The following BLOC1S3 variants were observed in gnomAD, a reference collection of about 807,000 sequenced individuals.
The protein encoded by BLOC1S3 is biogenesis of lysosome-related organelles complex 1 subunit 3.
BLOC1S3 carries 7 observed loss-of-function variants against 9.1 expected under a neutral mutation model. The observed-to-expected ratio is 0.77, with a 90% CI of 0.44 to 1.45. The LOEUF is 1.45. Ranked by LOEUF, BLOC1S3 falls within the 40% of genes most tolerant of loss-of-function variation. The pLI, the probability that BLOC1S3 is intolerant of heterozygous loss-of-function variation, is 0.01. For missense variants in BLOC1S3, 307 were observed against 315.2 expected, an observed-to-expected ratio of 0.97 and a Z score of 0.20; for synonymous variants, 145 against 158.4, an observed-to-expected ratio of 0.92 and a Z score of 0.64.
chr19:45,187,216 T>A (rs1332918574), upstream of BLOC1S3: 1 of 139,250 alleles, frequency 7.2e-6, no homozygotes, highest in Non-Finnish European at 1.5e-5. Flanking sequence ...AGAATGGAAC[T>A]GGGACAGGGA....
rs945875441 is a variant in BLOC1S3, at chr19:45,179,200, C to T, written c.-9-88C>T. On this transcript the variant is annotated intron_variant, in intron 1 of 1. Coordinates refer to ENST00000433642, the MANE Select transcript of BLOC1S3 (RefSeq NM_212550.5). This position sits in a 1 kb window ranked among gnomAD's most constrained non-coding sequence, Gnocchi z 4.6. ...GCTGACACCAAGTCGTTAAGAGAAT[C>T]AGCGAAGGGGCTGGGAATCCAGGAC... 1.2e-5 allele frequency: 16 copies of T among 1,363,100 alleles called. No homozygotes were observed. Among genetic ancestry groups the T allele is most frequent in the Non-Finnish European group, 1.4e-5 (15 of 1,051,664 alleles). 84.4% of individuals were successfully genotyped at this position (1,363,100 alleles called of 1,614,324 possible).
chr19:45,213,761 A>G (rs567379264), intron 3 of BLOC1S3, among the ~76,000 whole-genome samples: 3 of 151,900 alleles, frequency 2.0e-5, no homozygotes, highest in African/African-American at 4.8e-5. Context: ...CCTGGCCAAC[A>G]TGGCGAAACC....
downstream of BLOC1S3, among the ~76,000 whole-genome samples, chr19:45,182,026 A>G (rs958440647): frequency 3.9e-5 from 6 of 152,214 alleles, no homozygotes; most frequent in African/African-American, 9.7e-5. Flanking sequence ...CTAGGGGTAT[A>G]GCACCCAGTC....
At chr19:45,193,904 GCC>G (rs1969626536) in intron 2 of BLOC1S3, among the ~76,000 whole-genome samples, 1 of 122,136 alleles carries the variant, frequency 8.2e-6, no homozygotes, top group African/African-American at 3.2e-5. Flanking sequence ...CCAGGTTCAT[GCC>G]ATTCTCCTGC....
At chr19:45,212,903 G>A (rs1969790550) in intron 3 of BLOC1S3, 1 of 750,550 alleles carries the variant, frequency 1.3e-6, no homozygotes, top group African/African-American at 1.8e-5. Flanking sequence ...CCTGGCGTTT[G>A]TTTCCCTTCT....
At chr19:45,199,199 C>G (rs1327670061) in intron 2 of BLOC1S3, among the ~76,000 whole-genome samples, 1 of 151,792 alleles carries the variant, frequency 6.6e-6, no homozygotes, top group African/African-American at 2.4e-5. Context: ...TGTTATTATC[C>G]CACTTAATAA....
intron 2 of BLOC1S3, among the ~76,000 whole-genome samples, chr19:45,198,539 C>T (rs555788245): frequency 1.3e-5 from 2 of 152,264 alleles, no homozygotes; most frequent in Non-Finnish European, 2.9e-5. Flanking sequence ...GGTGATCCAC[C>T]TGTCTCAGCC....
At chr19:45,206,372 AAAAT>A (rs1162430758) in intron 3 of BLOC1S3, among the ~76,000 whole-genome samples, 42 of 147,570 alleles carry the variant, frequency 2.8e-4, no homozygotes, top group African/African-American at 8.9e-4. Context: ...AAAAAAAAAA[AAAAT>A]CTATTATTTT....
chr19:45,203,568 A>T lies in BLOC1S3; in HGVS notation n.282+1061A>T, dbSNP rs532133953. 3.1e-3 allele frequency among the ~76,000 whole-genome samples: 466 copies of T among 152,216 alleles called. 2 individuals are homozygous for T. Among genetic ancestry groups the T allele is most frequent in the Non-Finnish European group, 4.4e-3 (298 of 68,000 alleles). Reference sequence around the variant, plus strand: ...ATTACAGGCATGAGCCACCGCGCCCAGCCTCAAGTTGATTTAGGGTCCCAG... The same window carrying T: ...ATTACAGGCATGAGCCACCGCGCCCTGCCTCAAGTTGATTTAGGGTCCCAG... On this transcript the variant is annotated intron_variant and non_coding_transcript_variant, in intron 3 of 3. Coordinates refer to the BLOC1S3 transcript ENST00000591569.
chr19:45,190,272 CTTTG>C, intron 2 of BLOC1S3, among the ~76,000 whole-genome samples: 1 of 151,982 alleles, frequency 6.6e-6, no homozygotes, highest in Non-Finnish European at 1.5e-5. Flanking sequence ...ATTTCAATCT[CTTTG>C]TTTAATTTAT....
In BLOC1S3 at chr19:45,193,789, G is replaced by GT. The variant is rs375395115; in HGVS notation, n.180+6059dup. Among the ~76,000 whole-genome samples the GT allele has an allele frequency of 3.9e-3, 507 of 129,014 alleles. 4 individuals carry two copies. Among genetic ancestry groups the GT allele is most frequent in the African/African-American group, 9.3e-3 (318 of 34,354 alleles). The allele number at this position is 129,014 out of a possible 152,430, so 84.6% of individuals were successfully genotyped here. On this transcript the variant is annotated intron_variant and non_coding_transcript_variant, in intron 2 of 3. Coordinates refer to the BLOC1S3 transcript ENST00000591569. The stretch of plus-strand genomic sequence containing the variant: ...CTGAAGTTTCTATTCCATTTTTTCT[G>GT]TTTTTTTTTTGTTGTTGTTGTTTTT...
At chr19:45,190,504 A>G (rs1568472878) in intron 2 of BLOC1S3, among the ~76,000 whole-genome samples, 1 of 151,774 alleles carries the variant, frequency 6.6e-6, no homozygotes, top group Admixed American at 6.6e-5. Context: ...CGCTCTAACC[A>G]TCCTCTCACC....
At chr19:45,193,131 T>A (rs150513370) in intron 2 of BLOC1S3, among the ~76,000 whole-genome samples, 8,680 of 35,990 alleles carry the variant, frequency 0.24, 571 homozygotes, top group Middle Eastern at 0.37. Flanking sequence ...AAACTCCGTC[T>A]CAAAAAAAAA....
chr19:45,209,727 A>T (rs1796849813), intron 3 of BLOC1S3, among the ~76,000 whole-genome samples: 1 of 144,608 alleles, frequency 6.9e-6, no homozygotes, highest in South Asian at 2.2e-4. Context: ...GGCCTATTTT[A>T]TTTTTTTTGA....
chr19:45,216,923 G>T (rs1969841436), exon 4 of BLOC1S3: 2 of 149,942 alleles, frequency 1.3e-5, no homozygotes, highest in Admixed American at 1.3e-4. Flanking sequence ...AATACAACTG[G>T]GTACAAATAA....
chr19:45,183,448 C>T (rs1969541746), downstream of BLOC1S3, among the ~76,000 whole-genome samples: 1 of 150,592 alleles, frequency 6.6e-6, no homozygotes, highest in Non-Finnish European at 1.5e-5. Flanking sequence ...TGCACTCCAG[C>T]CCAGGGGACA....
downstream of BLOC1S3, among the ~76,000 whole-genome samples, chr19:45,182,167 C>A (rs1969529289): frequency 6.6e-6 from 1 of 151,954 alleles, no homozygotes. Context: ...CATGGTGAAA[C>A]CCTGTAGTTA....
At position 45,179,527 on chromosome 19, in the gene BLOC1S3, G is replaced by A. The variant is rs1969477331; in HGVS notation, c.231G>A (p.Pro77=). 1 of 1,523,566 alleles carries A rather than the reference G, an allele frequency of 6.6e-7. No homozygotes were observed. The highest frequency in any genetic ancestry group is 2.0e-5 in the Admixed American group (1 of 50,386). 94.4% of individuals were successfully genotyped at this position (1,523,566 alleles called of 1,614,324 possible). The change falls in exon 2 of 2, where the codon CCG becomes CCA. Residue 77 remains proline (P), a synonymous_variant. Coordinates refer to ENST00000433642, the MANE Select transcript of BLOC1S3 (RefSeq NM_212550.5). This position sits in a 1 kb window ranked among gnomAD's most constrained non-coding sequence, Gnocchi z 4.6. The part of the protein sequence containing the change: ...PEPEPEPTAA[P]RDLPPLVVQR... The stretch of plus-strand genomic sequence containing the variant: ...CGGAGCCGGAACCGACGGCCGCGCC[G>A]AGGGACCTGCCTCCACTCGTGGTGC...
At chr19:45,189,672 C>T (rs999758266) in intron 2 of BLOC1S3, among the ~76,000 whole-genome samples, 9 of 151,014 alleles carry the variant, frequency 6.0e-5, no homozygotes, top group South Asian at 2.1e-4. Flanking sequence ...CTCAAACTCC[C>T]GATCTCAGGT....
Sources: gnomAD v4.1 joint callset for allele counts (sites outside exome capture counted in the v4.1 genomes callset) on GRCh38, gnomAD v4.1.1 for gene constraint, Gnocchi (gnomAD v3.1) non-coding constraint, MANE v1.5 for transcripts, NCBI Gene and HGNC (gene_info 2026-07-23, HGNC 2026-07-21) for gene names.